Variants in CACNA1I observed in about 807,000 individuals in gnomAD.
The protein encoded by CACNA1I is voltage-dependent T-type calcium channel subunit alpha-1I.
In CACNA1I, 74 loss-of-function variants were observed where a neutral mutation model predicts 201.6. That is an observed-to-expected ratio of 0.37 (90% CI 0.30 to 0.45). CACNA1I has a LOEUF of 0.45. Ranked by LOEUF, CACNA1I falls within the 20% of genes least tolerant of loss-of-function variation. The probability of loss-of-function intolerance (pLI) is 1.00; values close to 1 mark genes in which losing one functional copy is unlikely to be tolerated. For synonymous variants in CACNA1I, 1,431 were observed against 1,345.2 expected, an observed-to-expected ratio of 1.06 and a Z score of -1.40; for missense variants, 2,346 against 3,138.1, an observed-to-expected ratio of 0.75 and a Z score of 6.03.
Position 39,600,541 on chromosome 22 carries a change from A to G in CACNA1I, c.370A>G (p.Ile124Val). Residue 124 changes from isoleucine to valine, a missense_variant, in exon 3 of 37, where the codon ATC becomes GTC. This residue lies in a region of CACNA1I where 227 missense variants were observed against 412.5 expected (regional missense o/e 0.55). Coordinates refer to ENST00000402142, the MANE Select transcript of CACNA1I (RefSeq NM_021096.4). ...ILQVFDDFIF[I>V]FFAMEMVLKM... ...GCAGGTCTTTGATGACTTCATCTTTATCTTCTTTGCCATGGAGATGGTGCT... is the reference window on the plus strand; with the variant it reads ...GCAGGTCTTTGATGACTTCATCTTTGTCTTCTTTGCCATGGAGATGGTGCT... The G allele has an allele frequency of 6.2e-7, 1 of 1,611,790 alleles. No homozygotes were observed. Among genetic ancestry groups the G allele is most frequent in the Non-Finnish European group, 8.5e-7 (1 of 1,179,038 alleles).
chr22:39,653,087 C>G, intron 10 of CACNA1I, among the ~76,000 whole-genome samples: 1 of 147,016 alleles, frequency 6.8e-6, no homozygotes, highest in African/African-American at 2.7e-5. Flanking sequence ...GCACGGAGCC[C>G]CCCACACGGT....
rs142149025 is a variant in CACNA1I at position 39,611,858 on chromosome 22, C to A, written c.483-7452C>A. On this transcript the variant is annotated intron_variant, in intron 3 of 36. Transcript: ENST00000402142. ...TGCAGCCCATCCCTCAGCTTTGTGG[C>A]CAACCCAGCATTCTTCCCCCAAATC... Among the ~76,000 whole-genome samples the A allele has an allele frequency of 1.8e-3, 269 of 152,306 alleles. 6 individuals carry two copies. The highest frequency in any genetic ancestry group is 0.016 in the East Asian group (83 of 5,170).
At chr22:39,662,547 G>T in intron 17 of CACNA1I, 112 bp downstream of exon 17, 2 of 851,788 alleles carry the variant, frequency 2.3e-6, no homozygotes, top group Non-Finnish European at 1.7e-6. Context: ...CGTGGCCGGG[G>T]CGTGGCCGGA....
At chr22:39,614,473 G>T (rs1011081365) in intron 3 of CACNA1I, among the ~76,000 whole-genome samples, 2 of 152,212 alleles carry the variant, frequency 1.3e-5, no homozygotes, top group Non-Finnish European at 2.9e-5. Context: ...CTTCCTTTGT[G>T]TTGGCAAAAT....
At chr22:39,671,896 G>C (rs1935387786) in intron 26 of CACNA1I, among the ~76,000 whole-genome samples, 1 of 152,140 alleles carries the variant, frequency 6.6e-6, no homozygotes, top group African/African-American at 2.4e-5. Flanking sequence ...TATGGAGTGA[G>C]CACTAAGCCA....
Position 39,686,224 on chromosome 22 carries a change from G to GC in CACNA1I, c.6496dup (p.His2166ProfsTer112). On this transcript the variant is annotated frameshift_variant, in exon 37 of 37. Transcript: ENST00000402142. LOFTEE classifies it low-confidence loss of function (END_TRUNC). ...ACCAGCAGCCTGGCCGCCCCCGGCC[G>GC]CCCCCACGCCGCCGCCCTGGCCCAC... 1.6e-6 allele frequency: 2 copies of GC among 1,238,798 alleles called. No individual in the cohort carries two copies. Among genetic ancestry groups the GC allele is most frequent in the South Asian group, 3.3e-5 (1 of 30,458 alleles). 76.7% of individuals were successfully genotyped at this position (1,238,798 alleles called of 1,614,324 possible).
At chr22:39,647,758 C>A in intron 8 of CACNA1I, 64 bp from the exon 9 acceptor site, 2 of 1,193,684 alleles carry the variant, frequency 1.7e-6, no homozygotes, top group South Asian at 1.2e-5. Flanking sequence ...TGTTGGTTGC[C>A]TCATCTGTTC....
chr22:39,581,507 G>A (rs1932548014), intron 1 of CACNA1I, among the ~76,000 whole-genome samples: 1 of 152,154 alleles, frequency 6.6e-6, no homozygotes, highest in African/African-American at 2.4e-5. Context: ...ACAGAGAGGC[G>A]AAGTGCCTGT....
Position 39,663,765 on chromosome 22 carries a change from A to G in CACNA1I, c.3521A>G (p.Tyr1174Cys). Reference protein sequence around the residue: ...QTIIAHKLFDYVVLAFIFLNC... With the variant: ...QTIIAHKLFDCVVLAFIFLNC... ...ATTATTGCCCACAAACTCTTCGACT[A>G]CGTCGTCCTGGCCTTCATCTTTCTC... The change falls in exon 19 of 37, where the codon TAC becomes TGC. Residue 1174 changes from tyrosine to cysteine, a missense_variant. By Grantham distance (194) the Tyr-to-Cys change is radical. Around this residue, in one of 13 missense-constraint regions of CACNA1I, gnomAD observed 158 missense variants for 231.6 expected, o/e 0.68. Coordinates refer to ENST00000402142, the MANE Select transcript of CACNA1I (RefSeq NM_021096.4). The G allele has an allele frequency of 6.2e-7, 1 of 1,613,648 alleles. No homozygotes were observed. The highest frequency in any genetic ancestry group is 1.1e-5 in the South Asian group (1 of 91,088).
In CACNA1I at chr22:39,634,572, G is replaced by A. The variant is rs1406009395; in HGVS notation, c.588G>A (p.Arg196=). The A allele has an allele frequency of 1.9e-6, 3 of 1,613,864 alleles. No homozygotes were observed. Among genetic ancestry groups the A allele is most frequent in the Middle Eastern group, 1.6e-4 (1 of 6,062 alleles). ...LKAINRVPSM[R]ILVNLLLDTL... Reference sequence around the variant, plus strand: ...CACCTTTTCCCCTCCCAGGTATGCGGATCCTGGTGAACCTGCTCCTGGACA... The same window carrying A: ...CACCTTTTCCCCTCCCAGGTATGCGAATCCTGGTGAACCTGCTCCTGGACA... The change falls in exon 5 of 37, where the codon CGG becomes CGA. Residue 196 remains arginine (R), a synonymous_variant. Transcript: ENST00000402142.
At chr22:39,645,526 C>A (rs1934463136) in intron 7 of CACNA1I, among the ~76,000 whole-genome samples, 1 of 152,156 alleles carries the variant, frequency 6.6e-6, no homozygotes, top group Admixed American at 6.5e-5. Flanking sequence ...TGCTTGTGGA[C>A]AAGGTGACTG....
At chr22:39,623,100 G>A (rs749868544) in intron 4 of CACNA1I, among the ~76,000 whole-genome samples, 16 of 152,240 alleles carry the variant, frequency 1.1e-4, no homozygotes, top group Non-Finnish European at 1.6e-4. Flanking sequence ...GGCGGGCTTA[G>A]GGGCATGGGA....
At chr22:39,588,893 G>C (rs572990945) in intron 1 of CACNA1I, among the ~76,000 whole-genome samples, 1 of 152,254 alleles carries the variant, frequency 6.6e-6, no homozygotes, top group South Asian at 2.1e-4. Flanking sequence ...GCTGCGTCTG[G>C]CTTCTGTTTC....
chr22:39,664,804 T>C lies in CACNA1I; in HGVS notation c.3732T>C (p.Asp1244=). The C allele has an allele frequency of 1.2e-6, 2 of 1,612,126 alleles. No homozygotes were observed. The highest frequency in any genetic ancestry group is 2.2e-5 in the East Asian group (1 of 44,774). The change falls in exon 21 of 37, where the codon GAT becomes GAC. Residue 1244 remains aspartate, a synonymous_variant. Transcript: ENST00000402142. The part of the protein sequence containing the change: ...AYLRSSWNVL[D]GFLVFVSIID... ...TACGCAGCAGCTGGAACGTGCTGGATGGCTTTCTTGTCTTCGTGTCCATCA... is the reference window on the plus strand; with the variant it reads ...TACGCAGCAGCTGGAACGTGCTGGACGGCTTTCTTGTCTTCGTGTCCATCA...
chr22:39,669,826 G>A (rs1487835866), intron 24 of CACNA1I, among the ~76,000 whole-genome samples: 1 of 152,172 alleles, frequency 6.6e-6, no homozygotes, highest in Non-Finnish European at 1.5e-5. Flanking sequence ...ACTGAGCAGG[G>A]AAGGAGAGGT....
chr22:39,599,694 G>T (rs1267028261), intron 2 of CACNA1I, among the ~76,000 whole-genome samples: 1 of 151,930 alleles, frequency 6.6e-6, no homozygotes, highest in Non-Finnish European at 1.5e-5. Context: ...CAGAATTTCT[G>T]GGTGGGTCTG....
At chr22:39,683,021 T>A (rs1401155283) in intron 35 of CACNA1I, among the ~76,000 whole-genome samples, 1 of 152,188 alleles carries the variant, frequency 6.6e-6, no homozygotes, top group Non-Finnish European at 1.5e-5. Flanking sequence ...TTTCTAGAGC[T>A]GAATTTGAGA....
chr22:39,588,495 C>G (rs1181712519), intron 1 of CACNA1I, among the ~76,000 whole-genome samples: 1 of 151,408 alleles, frequency 6.6e-6, no homozygotes, highest in Non-Finnish European at 1.5e-5. Flanking sequence ...ACGCCATTCT[C>G]CTGCCTCAGC....
At chr22:39,604,958 G>A (rs944069907) in intron 3 of CACNA1I, among the ~76,000 whole-genome samples, 9 of 151,974 alleles carry the variant, frequency 5.9e-5, no homozygotes, top group African/African-American at 1.5e-4. Flanking sequence ...GGACCACCCC[G>A]TGCTCAAGGT....
Sources: allele counts gnomAD v4.1 joint callset (sites outside exome capture counted in the v4.1 genomes callset), GRCh38; gene constraint gnomAD v4.1.1; regional missense constraint gnomAD v4.1.1; transcripts MANE v1.5; gene names NCBI Gene and HGNC (gene_info 2026-07-23, HGNC 2026-07-21).